SP1: variants seen among roughly 807,000 people sequenced by gnomAD.
SP1 encodes Sp1 transcription factor.
SP1 carries 6 observed loss-of-function variants against 66.3 expected under a neutral mutation model. The ratio of observed to expected loss-of-function variants is 0.09; its 90% confidence interval spans 0.05 to 0.18. The LOEUF is 0.18. SP1 is among the 10% of genes least tolerant of loss of function. The pLI is 1.00. For missense variants in SP1, 848 were observed against 964.5 expected (o/e 0.88, Z 1.60); for synonymous variants, 417 against 360.8 (o/e 1.16, Z -1.77).
intron 3 of SP1, among the ~76,000 whole-genome samples, chr12:53,404,039 C>T (rs1277047916): frequency 1.3e-5 from 2 of 151,628 alleles, no homozygotes; most frequent in Admixed American, 6.6e-5. Context: ...GGCGTGGTGA[C>T]GGGCGCCTGT....
intron 3 of SP1, among the ~76,000 whole-genome samples, chr12:53,385,856 C>T (rs1464873301): frequency 2.2e-5 from 3 of 138,552 alleles, no homozygotes; most frequent in Non-Finnish European, 4.6e-5. Flanking sequence ...GAGCTTGGAG[C>T]GAGCCAAGAT....
chr12:53,401,910 CT>C (rs1329431681), intron 3 of SP1, among the ~76,000 whole-genome samples: 36 of 152,314 alleles, frequency 2.4e-4, no homozygotes, highest in African/African-American at 8.7e-4. Flanking sequence ...CTCAAGCGAT[CT>C]GTCCAGCTCG....
chr12:53,393,428 G>T (rs1289122009), intron 3 of SP1, among the ~76,000 whole-genome samples: 2 of 151,888 alleles, frequency 1.3e-5, no homozygotes, highest in African/African-American at 4.8e-5. Context: ...GGGATTACAG[G>T]CAAGCACCAC....
intron 3 of SP1, among the ~76,000 whole-genome samples, chr12:53,394,429 T>G (rs1592562861): frequency 1.5e-5 from 2 of 131,304 alleles, no homozygotes; most frequent in Middle Eastern, 3.6e-3. Flanking sequence ...TTTTTTTTTT[T>G]TGTGAGGGTA....
At chr12:53,405,207 A>G (rs1329921034) in intron 3 of SP1, among the ~76,000 whole-genome samples, 1 of 151,996 alleles carries the variant, frequency 6.6e-6, no homozygotes, top group Admixed American at 6.6e-5. Flanking sequence ...TTGAACTCCT[A>G]ATCTCAAGCA....
chr12:53,383,484 G>T lies in SP1; in HGVS notation c.1537G>T (p.Ala513Ser). The stretch of plus-strand genomic sequence containing the variant: ...CATTGCCTCAGCTGCTTCCATTCCT[G>T]CTGGCACAGTCACTGTGAATGCTGC... ...TPIASAASIP[A>S]GTVTVNAAQL... The change falls in exon 3 of 6, where the codon GCT becomes TCT. Residue 513 changes from alanine to serine, a missense_variant. Coordinates refer to ENST00000327443, the MANE Select transcript of SP1 (RefSeq NM_138473.3). The T allele has an allele frequency of 6.2e-7, 1 of 1,614,204 alleles. No homozygotes were observed. Among genetic ancestry groups the T allele is most frequent in the Non-Finnish European group, 8.5e-7 (1 of 1,180,038 alleles).
At chr12:53,388,820 A>C (rs1045379476) in intron 3 of SP1, among the ~76,000 whole-genome samples, 1 of 151,952 alleles carries the variant, frequency 6.6e-6, no homozygotes, top group African/African-American at 2.4e-5. Context: ...TCTCTACAAA[A>C]AATATGAAAA....
At position 53,382,225 on chromosome 12, in the gene SP1, TTGA is replaced by T. The variant is rs760445544; in HGVS notation, c.279_281del (p.Asp94del). ...AGTCAGTCAGGGGGAACAGGTGAGC[TTGA>T]CCTCACAGCCACACAACTTTCACAG... On this transcript the variant is annotated inframe_deletion, in exon 3 of 6. Coordinates refer to ENST00000327443, the MANE Select transcript of SP1 (RefSeq NM_138473.3). 22 of 1,614,054 alleles carry T rather than the reference TTGA, an allele frequency of 1.4e-5. No homozygotes were observed. Among genetic ancestry groups the T allele is most frequent in the Non-Finnish European group, 1.9e-5 (22 of 1,180,046 alleles).
At chr12:53,380,988 G>A (rs1283065186) in intron 1 of SP1, among the ~76,000 whole-genome samples, 1 of 56,602 alleles carries the variant, frequency 1.8e-5, no homozygotes, top group African/African-American at 8.2e-5. Flanking sequence ...TTTCGCTCTT[G>A]TTACCCAGAC....
rs763926404 is a variant in SP1, at chr12:53,382,184, C to T, written c.237C>T (p.Asn79=). ...SRIESPNENS[N]NSQGPSQSGG... The stretch of plus-strand genomic sequence containing the variant: ...TTGAGTCACCCAATGAGAACAGCAA[C>T]AACTCCCAGGGCCCGAGTCAGTCAG... Residue 79 remains asparagine (N), a synonymous_variant, in exon 3 of 6, where the codon AAC becomes AAT. Transcript: ENST00000327443. 1.9e-6 allele frequency: 3 copies of T among 1,614,054 alleles called. No homozygotes were observed. In the African/African-American group the frequency reaches 4.0e-5, roughly 22 times the overall value.
intron 3 of SP1, among the ~76,000 whole-genome samples, chr12:53,389,786 T>C (rs1230187482): frequency 6.6e-6 from 1 of 152,140 alleles, no homozygotes; most frequent in Non-Finnish European, 1.5e-5. Flanking sequence ...GACGGGGAGT[T>C]GGCTTTTAAA....
intron 3 of SP1, among the ~76,000 whole-genome samples, chr12:53,401,693 C>T (rs1938614676): frequency 6.6e-6 from 1 of 152,082 alleles, no homozygotes; most frequent in Non-Finnish European, 1.5e-5. Flanking sequence ...TTTTGCCACT[C>T]CTTAAGATAT....
intron 4 of SP1, among the ~76,000 whole-genome samples, chr12:53,408,245 C>CAAAAA (rs548495020): frequency 0.16 from 15,024 of 96,858 alleles, 1,070 homozygotes; most frequent in Admixed American, 0.18. Flanking sequence ...GACTCTGTCT[C>CAAAAA]AAAAAAAAAA....
intron 3 of SP1, among the ~76,000 whole-genome samples, chr12:53,384,004 C>G (rs1279784333): frequency 6.7e-6 from 1 of 149,094 alleles, no homozygotes; most frequent in Non-Finnish European, 1.5e-5. Flanking sequence ...GAGTCTTGCT[C>G]TGTCATCCAG....
chr12:53,404,934 C>T (rs1385862319), intron 3 of SP1, among the ~76,000 whole-genome samples: 1 of 152,114 alleles, frequency 6.6e-6, no homozygotes, highest in African/African-American at 2.4e-5. Context: ...CTCCTGGGTT[C>T]AAGCAATTCC....
In SP1 at chr12:53,382,322, C is replaced by G. The variant is rs777180290; in HGVS notation, c.375C>G (p.Gly125=). ...CCCCTACCTCAAAGGAACAGAGTGG[C>G]AGCAGTACCAATGGCAGCAATGGCA... ...GATPTSKEQS[G]SSTNGSNGSE... Residue 125 remains glycine (G), a synonymous_variant, in exon 3 of 6, where the codon GGC becomes GGG. Coordinates refer to ENST00000327443, the MANE Select transcript of SP1 (RefSeq NM_138473.3). The G allele has an allele frequency of 6.2e-7, 1 of 1,614,174 alleles. No individual in the cohort carries two copies. Among genetic ancestry groups the G allele is most frequent in the Non-Finnish European group, 8.5e-7 (1 of 1,180,008 alleles).
chr12:53,383,295 A>G lies in SP1; in HGVS notation c.1348A>G (p.Ile450Val). The change falls in exon 3 of 6, where the codon ATC becomes GTC. Residue 450 changes from isoleucine (I) to valine (V), a missense_variant. Ile to Val is a conservative substitution (Grantham distance 29). Transcript: ENST00000327443. ...LQAVPNSGPI[I>V]IRTPTVGPNG... Reference sequence around the variant, plus strand: ...GGCTGTTCCAAACTCTGGTCCCATCATCATCCGGACACCAACAGTGGGGCC... The same window carrying G: ...GGCTGTTCCAAACTCTGGTCCCATCGTCATCCGGACACCAACAGTGGGGCC... 1 of 1,614,228 alleles carries G rather than the reference A, an allele frequency of 6.2e-7. No individual in the cohort carries two copies. The highest frequency in any genetic ancestry group is 1.1e-5 in the South Asian group (1 of 91,088).
At chr12:53,387,711 C>T (rs983603050) in intron 3 of SP1, among the ~76,000 whole-genome samples, 1 of 152,100 alleles carries the variant, frequency 6.6e-6, no homozygotes, top group Admixed American at 6.6e-5. Flanking sequence ...TTCGAGCCAG[C>T]CTGGTGGCTC....
intron 3 of SP1, among the ~76,000 whole-genome samples, chr12:53,392,039 C>T (rs1380274820): frequency 6.6e-6 from 1 of 151,950 alleles, no homozygotes; most frequent in Non-Finnish European, 1.5e-5. Context: ...TCCTTTTGTT[C>T]CAGTGTTTTT....
Sources: gnomAD v4.1 joint callset for allele counts (sites outside exome capture counted in the v4.1 genomes callset) on GRCh38, gnomAD v4.1.1 for gene constraint, MANE v1.5 for transcripts, NCBI Gene and HGNC (gene_info 2026-07-23, HGNC 2026-07-21) for gene names.